The following ATP2B3 variants were observed in gnomAD, a reference collection of about 807,000 sequenced individuals.
ATP2B3 encodes ATPase plasma membrane Ca2+ transporting 3.
Under a neutral mutation model 70.8 loss-of-function variants are expected in ATP2B3, and 12 were observed. That is an observed-to-expected ratio of 0.17 (90% CI 0.11 to 0.27). ATP2B3 has a LOEUF of 0.27. Ranked by LOEUF, ATP2B3 falls within the 10% of genes least tolerant of loss-of-function variation. The pLI, the probability that ATP2B3 is intolerant of heterozygous loss-of-function variation, is 1.00. For synonymous variants in ATP2B3, 460 were observed against 497.8 expected, an observed-to-expected ratio of 0.92 and a Z score of 1.01; for missense variants, 858 against 1,118.5, an observed-to-expected ratio of 0.77 and a Z score of 3.32.
chrX:153,562,103 G>A, intron 19 of ATP2B3, 32 bp from the exon 20 acceptor site: 1 of 1,184,109 alleles, frequency 8.4e-7, no homozygotes, highest in Non-Finnish European at 1.1e-6. Context: ...AGCCGCGGCT[G>A]GACCTGCCTC....
chrX:153,541,587 G>A (rs1202655835), intron 4 of ATP2B3, 31 bp downstream of exon 4: 6 of 1,207,932 alleles, frequency 5.0e-6, no homozygotes, highest in Non-Finnish European at 6.7e-6. Context: ...CTGGAAGGAG[G>A]AAGAGGAATG....
intron 5 of ATP2B3, among the ~76,000 whole-genome samples, 164 bp from the exon 6 acceptor site, chrX:153,542,159 G>A (rs1299907530): frequency 1.9e-4 from 7 of 37,281 alleles, no homozygotes; most frequent in East Asian, 7.8e-4. Flanking sequence ...CAGCCTCCAC[G>A]GCGGGCTTTC....
chrX:153,546,579 C>G (rs1227862377), intron 8 of ATP2B3, among the ~76,000 whole-genome samples: 1 of 113,424 alleles, frequency 8.8e-6, no homozygotes, highest in East Asian at 2.8e-4. Flanking sequence ...GCCCGGCTCT[C>G]CTCTCAGCCC....
chrX:153,522,603 A>C (rs1447059219), intron 2 of ATP2B3, among the ~76,000 whole-genome samples: 1 of 111,852 alleles, frequency 8.9e-6, no homozygotes, highest in African/African-American at 3.3e-5. Flanking sequence ...GACACCCCCC[A>C]CCAAGCCCAC....
In ATP2B3 at chrX:153,553,117, G is replaced by A. The variant is rs781827206; in HGVS notation, c.1906G>A (p.Glu636Lys). 20 of 1,208,263 alleles carry A rather than the reference G, an allele frequency of 1.7e-5. No individual in the cohort carries two copies. The highest frequency in any genetic ancestry group is 2.1e-5 in the Non-Finnish European group (19 of 893,721). Residue 636 changes from glutamate to lysine, a missense_variant, in exon 13 of 22, where the codon GAG (glutamate) becomes AAG (lysine). Physicochemically the swap from Glu to Lys is moderately conservative, Grantham distance 56. Transcript: ENST00000263519. ...GGACGACATGGTGAGGAAGATCATC[G>A]AGCCGATGGCTTGCGATGGCCTCCG... ...DRDDMVRKII[E>K]PMACDGLRTI...
chrX:153,532,608 G>A (rs1001106186), intron 2 of ATP2B3, among the ~76,000 whole-genome samples: 6 of 112,280 alleles, frequency 5.3e-5, no homozygotes, highest in Non-Finnish European at 3.8e-5. Flanking sequence ...CCACGAGGCC[G>A]GCCAGTCTGT....
chrX:153,569,994 G>GT (rs2090764926), intron 21 of ATP2B3: 3 of 416,536 alleles, frequency 7.2e-6, no homozygotes, highest in Non-Finnish European at 1.2e-5. Flanking sequence ...GCTTTGTTTG[G>GT]TTTTTCGGTT....
intron 10 of ATP2B3, among the ~76,000 whole-genome samples, chrX:153,549,260 G>C (rs926364013): frequency 3.7e-5 from 4 of 107,356 alleles, no homozygotes; most frequent in Non-Finnish European, 5.8e-5. Flanking sequence ...GGGTAACTGA[G>C]AGGGGGCTCG....
At chrX:153,525,956 G>A (rs990737617) in intron 2 of ATP2B3, among the ~76,000 whole-genome samples, 1 of 113,298 alleles carries the variant, frequency 8.8e-6, no homozygotes, top group African/African-American at 3.2e-5. Flanking sequence ...GGAGGCACTC[G>A]TGGCTGTGTC....
intron 2 of ATP2B3, among the ~76,000 whole-genome samples, chrX:153,519,094 C>G (rs972513217): frequency 2.7e-5 from 3 of 112,122 alleles, no homozygotes; most frequent in Non-Finnish European, 3.8e-5. Context: ...AGTCAGTGAC[C>G]ATCTTAAGGC....
rs781921333 is a variant in ATP2B3, at chrX:153,558,273, C to T, written c.2595C>T (p.Ile865=). 4 of 1,209,908 alleles carry T rather than the reference C, an allele frequency of 3.3e-6. No homozygotes were observed. The highest frequency in any genetic ancestry group is 3.5e-5 in the South Asian group (2 of 56,705). The change falls in exon 17 of 22, where the codon ATC becomes ATT. Residue 865 remains isoleucine (I), a synonymous_variant. Transcript: ENST00000263519. ...FQLTVNVVAV[I]VAFTGACITQ... ...TGACGGTCAATGTGGTGGCTGTGAT[C>T]GTGGCCTTCACAGGTGCCTGCATTA... is the stretch of plus-strand genomic sequence containing the variant.
At chrX:153,578,030 G>A (rs2090878142) in intron 21 of ATP2B3, among the ~76,000 whole-genome samples, 1 of 111,981 alleles carries the variant, frequency 8.9e-6, no homozygotes, top group Non-Finnish European at 1.9e-5. Flanking sequence ...GAAAGTCACC[G>A]AAAAAAGGTG....
In ATP2B3 at chrX:153,560,722, C is replaced by T. The variant is rs782562524; in HGVS notation, c.2886C>T (p.His962=). 8.3e-7 allele frequency: 1 copy of T among 1,211,960 alleles called. No individual in the cohort carries two copies. The highest frequency in any genetic ancestry group is 1.1e-6 in the Non-Finnish European group (1 of 895,517). Residue 962 remains histidine, a synonymous_variant, in exon 19 of 22, where the codon CAC becomes CAT. Transcript: ENST00000263519. The stretch of plus-strand genomic sequence containing the variant: ...ACAGCGGGAGGAATGCGCCCCTGCA[C>T]TCGCCACCCTCAGAGCACTACACCA... ...DIDSGRNAPL[H]SPPSEHYTII... is the part of the protein sequence containing the mutation.
At chrX:153,573,564 C>T (rs991772492) in intron 21 of ATP2B3, among the ~76,000 whole-genome samples, 2 of 113,053 alleles carry the variant, frequency 1.8e-5, no homozygotes, top group Admixed American at 1.8e-4. Context: ...GGGGAATGCC[C>T]TTCCAGGCAA....
At chrX:153,561,861 G>A (rs1391347214) in intron 19 of ATP2B3, among the ~76,000 whole-genome samples, 3 of 112,806 alleles carry the variant, frequency 2.7e-5, no homozygotes, top group Non-Finnish European at 5.6e-5. Flanking sequence ...CCGCAGGGTG[G>A]GTGTCACAGC....
chrX:153,530,014 T>C (rs2090092039), intron 2 of ATP2B3, among the ~76,000 whole-genome samples: 2 of 112,895 alleles, frequency 1.8e-5, no homozygotes, highest in East Asian at 5.6e-4. Flanking sequence ...TGAGTAATGT[T>C]GCTATGAACT....
chrX:153,560,803 G>T lies in ATP2B3; in HGVS notation c.2967G>T (p.Lys989Asn), dbSNP rs2090613549. 8.3e-7 allele frequency: 1 copy of T among 1,210,411 alleles called. No homozygotes were observed. Among genetic ancestry groups the T allele is most frequent in the Admixed American group, 2.2e-5 (1 of 45,834 alleles). Reference sequence around the variant, plus strand: ...TCTTTAACGAGATCAACGCCCGCAAGATCCACGGCGAGAGGAACGTGTTCG... The same window carrying T: ...TCTTTAACGAGATCAACGCCCGCAATATCCACGGCGAGAGGAACGTGTTCG... ...MQLFNEINAR[K>N]IHGERNVFDG... Residue 989 changes from lysine to asparagine, a missense_variant, in exon 19 of 22, where the codon AAG (lysine) becomes AAT (asparagine). Physicochemically the swap from Lys to Asn is moderately conservative, Grantham distance 94. Transcript: ENST00000263519.
Position 153,551,912 on chromosome X carries a change from G to A in ATP2B3, c.1824-1123G>A, listed in dbSNP as rs186365939. 1.1e-4 allele frequency among the ~76,000 whole-genome samples: 12 copies of A among 112,394 alleles called. No individual in the cohort carries two copies. The Middle Eastern group carries it at 0.014, about 130-fold the overall frequency. On this transcript the variant is annotated intron_variant, in intron 12 of 21. Coordinates refer to ENST00000263519, the MANE Select transcript of ATP2B3 (RefSeq NM_001001344.3). ...CATGACTGCCGTCCCAGGGCCCTCA[G>A]GGCAAGGTCCTCTGCAGGACGCCCA...
At chrX:153,576,093 G>A (rs2090853689) in intron 21 of ATP2B3, among the ~76,000 whole-genome samples, 2 of 111,651 alleles carry the variant, frequency 1.8e-5, no homozygotes, top group Non-Finnish European at 3.8e-5. Context: ...GGCTTTTGGG[G>A]GTACAGTTCA....
Sources: gnomAD v4.1 joint callset for allele counts (sites outside exome capture counted in the v4.1 genomes callset) on GRCh38, gnomAD v4.1.1 for gene constraint, MANE v1.5 for transcripts, NCBI Gene and HGNC (gene_info 2026-07-23, HGNC 2026-07-21) for gene names.